Variants in SIN3B observed in about 807,000 individuals in gnomAD.
SIN3B encodes SIN3 transcription regulator family member B.
SIN3B carries 19 observed loss-of-function variants against 120.2 expected under a neutral mutation model. That is an observed-to-expected ratio of 0.16 (90% CI 0.11 to 0.23). The LOEUF is 0.23. SIN3B is among the 10% of genes least tolerant of loss of function. The pLI, the probability that SIN3B is intolerant of heterozygous loss-of-function variation, is 1.00. For synonymous variants in SIN3B, 654 were observed against 653.2 expected (o/e 1.00, Z -0.02); for missense variants, 1,073 against 1,573.0 (o/e 0.68, Z 5.38).
chr19:16,854,076 C>A, intron 7 of SIN3B, 67 bp from the exon 8 acceptor site: 2 of 1,222,858 alleles, frequency 1.6e-6, no homozygotes, highest in African/African-American at 1.5e-5. Flanking sequence ...GGCTGACCTA[C>A]AAGTGAGCCA....
intron 5 of SIN3B, among the ~76,000 whole-genome samples, chr19:16,847,424 G>T (rs1027236184): frequency 2.0e-5 from 3 of 152,268 alleles, no homozygotes; most frequent in Non-Finnish European, 4.4e-5. Context: ...TGTCTGCCCT[G>T]CAGAGCCCCA....
chr19:16,839,078 C>T (rs1259980868), intron 3 of SIN3B, among the ~76,000 whole-genome samples: 3 of 145,950 alleles, frequency 2.1e-5, no homozygotes, highest in African/African-American at 7.7e-5. Context: ...AGCAATTCTT[C>T]CTCCTCAGCC....
Position 16,841,954 on chromosome 19 carries a change from C to T in SIN3B, c.568C>T (p.Leu190=), listed in dbSNP as rs1441817937. ...PEIYRSFLEI[L]HTYQKEQLNT... is the part of the protein sequence containing the mutation. ...AATCTACAGGTCATTCCTGGAGATCCTGCACACGTACCAGGTAAGAACTCA... is the reference window on the plus strand; with the variant it reads ...AATCTACAGGTCATTCCTGGAGATCTTGCACACGTACCAGGTAAGAACTCA... The change falls in exon 4 of 19, where the codon CTG becomes TTG. Residue 190 remains leucine, a synonymous_variant. Coordinates refer to ENST00000248054, the MANE Select transcript of SIN3B (RefSeq NM_001297595.2). 1 of 1,613,622 alleles carries T rather than the reference C, an allele frequency of 6.2e-7. No individual in the cohort carries two copies. Among genetic ancestry groups the T allele is most frequent in the Admixed American group, 1.7e-5 (1 of 60,010 alleles).
At chr19:16,868,120 G>C (rs1971803671) in intron 12 of SIN3B, among the ~76,000 whole-genome samples, 1 of 152,196 alleles carries the variant, frequency 6.6e-6, no homozygotes, top group Non-Finnish European at 1.5e-5. Context: ...TGGACATGGG[G>C]ACCCTGCTTC....
At position 16,879,245 on chromosome 19, in the gene SIN3B, T is replaced by C. The variant is rs949388543; in HGVS notation, c.*518T>C. 1 of 157,270 alleles carries C rather than the reference T, an allele frequency of 6.4e-6. No individual in the cohort carries two copies. The highest frequency in any genetic ancestry group is 1.4e-5 in the Non-Finnish European group (1 of 71,564). 9.7% of individuals were successfully genotyped at this position (157,270 alleles called of 1,614,324 possible). A position where few individuals can be genotyped will look rare whatever the true frequency, so the allele number is the denominator to read the frequency against. ...GAAACATCATCTGAGGGTTTGGGCA[T>C]CAGCTCTGCCTGGCTGGTGTTCAGG... On this transcript the variant is annotated 3_prime_UTR_variant, in exon 19 of 19. Coordinates refer to ENST00000248054, the MANE Select transcript of SIN3B (RefSeq NM_001297595.2).
intron 4 of SIN3B, 54 bp downstream of exon 4, chr19:16,842,022 G>A (rs1971424435): frequency 5.1e-6 from 7 of 1,371,632 alleles, no homozygotes; most frequent in Non-Finnish European, 7.2e-6. Flanking sequence ...CCAGTTTGGG[G>A]CCCTGCAGAT....
chr19:16,840,563 C>T (rs1217771423), intron 3 of SIN3B, among the ~76,000 whole-genome samples: 1 of 152,222 alleles, frequency 6.6e-6, no homozygotes, highest in Non-Finnish European at 1.5e-5. Flanking sequence ...CTGTGCCCAG[C>T]AGAGGTACCT....
chr19:16,876,285 C>T lies in SIN3B; in HGVS notation c.2766+57C>T. 6.4e-7 allele frequency: 1 copy of T among 1,561,900 alleles called. No homozygotes were observed. The highest frequency in any genetic ancestry group is 8.7e-7 in the Non-Finnish European group (1 of 1,149,312). On this transcript the variant is annotated intron_variant, in intron 15 of 18. Transcript: ENST00000248054. The surrounding 1 kb of genome is among the most constrained non-coding windows in gnomAD (Gnocchi z 7.1). The stretch of plus-strand genomic sequence containing the variant: ...GGGAGGCCCGGCCGCTCACTCCGCT[C>T]TGGACTCAGTCCTGGGTGGACCCTG...
intron 5 of SIN3B, among the ~76,000 whole-genome samples, chr19:16,847,869 C>A (rs1422632377): frequency 6.6e-6 from 1 of 152,194 alleles, no homozygotes; most frequent in East Asian, 1.9e-4. Flanking sequence ...ATTTTCATCC[C>A]CCTGAAAGGA....
intron 3 of SIN3B, among the ~76,000 whole-genome samples, chr19:16,835,303 G>A (rs1213535813): frequency 1.3e-4 from 19 of 144,708 alleles, no homozygotes; most frequent in African/African-American, 4.7e-4. Flanking sequence ...ATCTTGGCTC[G>A]CTGCATCCTC....
intron 4 of SIN3B, among the ~76,000 whole-genome samples, chr19:16,844,591 C>G (rs752509136): frequency 6.6e-6 from 1 of 152,204 alleles, no homozygotes. Context: ...ACCCTAAAAA[C>G]GAGCTCCCTC....
intron 13 of SIN3B, among the ~76,000 whole-genome samples, chr19:16,870,417 C>T (rs1362152324): frequency 2.0e-5 from 3 of 150,206 alleles, no homozygotes; most frequent in Admixed American, 1.3e-4. Flanking sequence ...TGGAGTCTTG[C>T]GCTGTTGCGC....
At chr19:16,830,849 T>G (rs963924468) in intron 2 of SIN3B, among the ~76,000 whole-genome samples, 1 of 152,242 alleles carries the variant, frequency 6.6e-6, no homozygotes, top group Non-Finnish European at 1.5e-5. Flanking sequence ...GTTTTCACAT[T>G]GCTTAGAGGA....
At position 16,865,307 on chromosome 19, in the gene SIN3B, C is replaced by CA. The variant is rs71334640; in HGVS notation, c.1384-103_1384-102insA. The CA allele has an allele frequency of 1.2e-3, 367 of 297,376 alleles. 2 individuals are homozygous for CA. The highest frequency in any genetic ancestry group is 1.8e-3 in the Non-Finnish European group (299 of 164,096). 18.4% of individuals were successfully genotyped at this position (297,376 alleles called of 1,614,324 possible). On this transcript the variant is annotated intron_variant, in intron 10 of 18. Coordinates refer to ENST00000248054, the MANE Select transcript of SIN3B (RefSeq NM_001297595.2). ...AGACCCTATCTCTTAAATACACACA[C>CA]CCCCCCCCCAAAAAAATCCTCTGGT...
intron 3 of SIN3B, among the ~76,000 whole-genome samples, chr19:16,837,232 A>G (rs1971359859): frequency 6.6e-6 from 1 of 152,012 alleles, no homozygotes; most frequent in Non-Finnish European, 1.5e-5. Context: ...AGAGGGAGCC[A>G]GGAGCGTGAG....
chr19:16,870,082 C>G lies in SIN3B; in HGVS notation c.2422+7C>G. Reference sequence around the variant, plus strand: ...CTGCGGCTGAAGCAGCCCAGTAAGGCTCCAAAGCCTGCCGGGAGGCCCCGG... The same window carrying G: ...CTGCGGCTGAAGCAGCCCAGTAAGGGTCCAAAGCCTGCCGGGAGGCCCCGG... On this transcript the variant is annotated splice_region_variant and intron_variant, in intron 13 of 18. Coordinates refer to ENST00000248054, the MANE Select transcript of SIN3B (RefSeq NM_001297595.2). 6.3e-7 allele frequency: 1 copy of G among 1,579,490 alleles called. No homozygotes were observed. The highest frequency in any genetic ancestry group is 1.1e-5 in the South Asian group (1 of 88,218).
intron 14 of SIN3B, among the ~76,000 whole-genome samples, chr19:16,873,526 C>G (rs935246791): frequency 6.6e-6 from 1 of 150,654 alleles, no homozygotes; most frequent in South Asian, 2.1e-4. Flanking sequence ...GTCCCCTCCC[C>G]CCCCCCCCAG....
intron 3 of SIN3B, among the ~76,000 whole-genome samples, chr19:16,838,305 A>C (rs1971373279): frequency 6.6e-6 from 1 of 152,184 alleles, no homozygotes; most frequent in Non-Finnish European, 1.5e-5. Context: ...CAGAACATTA[A>C]CATCACCCCA....
chr19:16,859,326 AT>A (rs879914502), intron 8 of SIN3B, among the ~76,000 whole-genome samples: 163 of 147,224 alleles, frequency 1.1e-3, no homozygotes, highest in Middle Eastern at 3.5e-3. Context: ...TTCGGTGTGT[AT>A]TTTTTTTTTT....
Sources: allele counts gnomAD v4.1 joint callset (sites outside exome capture counted in the v4.1 genomes callset), GRCh38; gene constraint gnomAD v4.1.1; non-coding constraint Gnocchi (gnomAD v3.1); transcripts MANE v1.5; gene names NCBI Gene and HGNC (gene_info 2026-07-23, HGNC 2026-07-21).